The following SRFBP1 variants were observed in gnomAD, a reference collection of about 807,000 sequenced individuals.
The protein encoded by SRFBP1 is serum response factor-binding protein 1.
SRFBP1 carries 47 observed loss-of-function variants against 45.5 expected under a neutral mutation model. The observed-to-expected ratio is 1.03, with a 90% CI of 0.82 to 1.32. The LOEUF (loss-of-function observed/expected upper bound fraction) is 1.32, where lower values mean the gene tolerates loss of function less well. Among genes scored for constraint, SRFBP1 ranks in the 40% most tolerant of loss-of-function variants. The pLI is 0.00. For missense variants in SRFBP1, 621 were observed against 484.6 expected (o/e 1.28, Z -2.64); for synonymous variants, 203 against 166.3 (o/e 1.22, Z -1.70).
chr5:122,019,427 G>A (rs1271820914), intron 5 of SRFBP1, 86 bp downstream of exon 5: 2 of 1,038,084 alleles, frequency 1.9e-6, no homozygotes, highest in South Asian at 1.6e-5. Flanking sequence ...AACTCTTGAG[G>A]TTCTATTATA....
At chr5:122,078,141 A>C, downstream of SRFBP1, 1 of 614,958 alleles carries the variant, frequency 1.6e-6, no homozygotes, top group Non-Finnish European at 2.5e-6. Flanking sequence ...CAAGGGTGGG[A>C]TTCAGACCCT....
At chr5:121,980,089 G>A (rs1752378289) in intron 3 of SRFBP1, among the ~76,000 whole-genome samples, 1 of 152,158 alleles carries the variant, frequency 6.6e-6, no homozygotes, top group Non-Finnish European at 1.5e-5. Flanking sequence ...TCCTGGTAAA[G>A]GAAGTGAATA....
chr5:122,005,543 C>G (rs1753634375), intron 4 of SRFBP1, among the ~76,000 whole-genome samples: 1 of 152,082 alleles, frequency 6.6e-6, no homozygotes, highest in South Asian at 2.1e-4. Context: ...AAATAAGTCT[C>G]TTATAGGCAG....
chr5:122,008,489 C>A (rs143496368), intron 4 of SRFBP1, among the ~76,000 whole-genome samples: 28 of 152,246 alleles, frequency 1.8e-4, no homozygotes, highest in Non-Finnish European at 3.8e-4. Flanking sequence ...GTATTTCTCT[C>A]CATGGTTTAC....
chr5:121,986,534 G>T (rs879199856), intron 3 of SRFBP1, among the ~76,000 whole-genome samples: 1 of 151,940 alleles, frequency 6.6e-6, no homozygotes, highest in Admixed American at 6.6e-5. Flanking sequence ...TCTCATATGG[G>T]CCCTAGTCTG....
intron 1 of SRFBP1, among the ~76,000 whole-genome samples, chr5:121,964,107 T>C (rs182604777): frequency 6.4e-4 from 97 of 152,318 alleles, no homozygotes; most frequent in Admixed American, 1.2e-3. Context: ...TTCAATCTTT[T>C]CAATTCTTTT....
chr5:122,041,152 C>G (rs1056167734), intron 2 of SRFBP1, among the ~76,000 whole-genome samples: 2 of 152,022 alleles, frequency 1.3e-5, no homozygotes, highest in Non-Finnish European at 2.9e-5. Flanking sequence ...TTAGAATAAT[C>G]TAAATGAGAG....
At chr5:122,070,713 C>T (rs1754425763) in intron 2 of SRFBP1, 1 of 560,482 alleles carries the variant, frequency 1.8e-6, no homozygotes, top group East Asian at 2.9e-5. Flanking sequence ...TAAAACTATA[C>T]TTATATTTCA....
Position 122,048,537 on chromosome 5 carries a change from T to C in SRFBP1, n.311+26130T>C, listed in dbSNP as rs575663768. On this transcript the variant is annotated intron_variant and non_coding_transcript_variant, in intron 2 of 2. Coordinates refer to the SRFBP1 transcript ENST00000504881. ...TTGTTGTGTCTGTGTCAGGCTTTGGTATCAGGATGATGCTGGCCTCATAAA... is the reference window on the plus strand; with the variant it reads ...TTGTTGTGTCTGTGTCAGGCTTTGGCATCAGGATGATGCTGGCCTCATAAA... 6.6e-5 allele frequency among the ~76,000 whole-genome samples: 10 copies of C among 152,348 alleles called. No homozygotes were observed. The East Asian group carries it at 1.9e-3, about 29-fold the overall frequency.
At chr5:122,076,551 T>A (rs1754641111), downstream of SRFBP1, among the ~76,000 whole-genome samples, 1 of 152,156 alleles carries the variant, frequency 6.6e-6, no homozygotes, top group Non-Finnish European at 1.5e-5. Flanking sequence ...TTACAATAAA[T>A]TTTTTGAATT....
At chr5:121,994,290 G>T (rs1004508051) in intron 3 of SRFBP1, among the ~76,000 whole-genome samples, 2 of 151,736 alleles carry the variant, frequency 1.3e-5, no homozygotes, top group African/African-American at 2.4e-5. Context: ...TTTCCTGTTT[G>T]CCTGGCATAT....
intron 4 of SRFBP1, among the ~76,000 whole-genome samples, chr5:122,002,165 AC>A (rs1054002266): frequency 6.6e-6 from 1 of 152,208 alleles, no homozygotes; most frequent in African/African-American, 2.4e-5. Flanking sequence ...GGAGAGAATT[AC>A]ATCCCCATTG....
At chr5:122,047,370 T>C (rs1753882202) in intron 2 of SRFBP1, among the ~76,000 whole-genome samples, 1 of 152,190 alleles carries the variant, frequency 6.6e-6, no homozygotes, top group African/African-American at 2.4e-5. Context: ...TATGTGGCAT[T>C]ATTTCTGAGG....
intron 2 of SRFBP1, among the ~76,000 whole-genome samples, chr5:122,059,749 G>A (rs979052470): frequency 6.6e-6 from 1 of 152,044 alleles, no homozygotes; most frequent in Admixed American, 6.6e-5. Flanking sequence ...TTATTCTATA[G>A]TGTCTGTAAG....
chr5:122,005,096 T>C (rs1752949160), intron 4 of SRFBP1, among the ~76,000 whole-genome samples: 1 of 152,208 alleles, frequency 6.6e-6, no homozygotes. Flanking sequence ...ATGTTCCTTG[T>C]GTTCTTGAGA....
At position 122,056,735 on chromosome 5, in the gene SRFBP1, A is replaced by G. The variant is rs77505918; in HGVS notation, n.312-18580A>G. ...GTTAGACTTGTAGCTGTCCCTTACA[A>G]GTCAAATAAGAGAAGATGCATCAAT... On this transcript the variant is annotated intron_variant and non_coding_transcript_variant, in intron 2 of 2. Coordinates refer to the SRFBP1 transcript ENST00000504881. 5.3e-3 allele frequency among the ~76,000 whole-genome samples: 803 copies of G among 152,304 alleles called. 13 individuals carry two copies. Among genetic ancestry groups the G allele is most frequent in the African/African-American group, 0.019 (772 of 41,570 alleles).
At chr5:122,035,251 C>T (rs1327364041) in intron 2 of SRFBP1, among the ~76,000 whole-genome samples, 4 of 152,086 alleles carry the variant, frequency 2.6e-5, no homozygotes, top group African/African-American at 9.7e-5. Context: ...TTCAGGCCTA[C>T]ATCCTCAACA....
At chr5:121,973,527 A>G (rs373009260) in intron 1 of SRFBP1, among the ~76,000 whole-genome samples, 1 of 150,114 alleles carries the variant, frequency 6.7e-6, no homozygotes, top group Non-Finnish European at 1.5e-5. Context: ...TTTTTGGCCT[A>G]TAGCTCTGCT....
At chr5:122,048,604 A>T (rs993757810) in intron 2 of SRFBP1, among the ~76,000 whole-genome samples, 1 of 152,162 alleles carries the variant, frequency 6.6e-6, no homozygotes, top group Non-Finnish European at 1.5e-5. Context: ...TGATTGGGAT[A>T]GTTTCAGAAG....
Sources: gnomAD v4.1 joint callset for allele counts (sites outside exome capture counted in the v4.1 genomes callset) on GRCh38, gnomAD v4.1.1 for gene constraint, MANE v1.5 for transcripts, NCBI Gene and HGNC (gene_info 2026-07-23, HGNC 2026-07-21) for gene names.